The following EIF4G3 variants were observed in gnomAD, a reference collection of about 807,000 sequenced individuals.
The protein encoded by EIF4G3 is eIF-4-gamma 3.
Under a neutral mutation model 186.4 loss-of-function variants are expected in EIF4G3, and 34 were observed. That is an observed-to-expected ratio of 0.18 (90% confidence interval 0.14 to 0.24). The LOEUF (loss-of-function observed/expected upper bound fraction) is 0.24. EIF4G3 is among the 10% of genes least tolerant of loss of function. The pLI, the probability that EIF4G3 is intolerant of heterozygous loss-of-function variation, is 1.00. For missense variants in EIF4G3, 1,536 were observed against 1,948.5 expected, an observed-to-expected ratio of 0.79 and a Z score of 3.99; for synonymous variants, 673 against 679.5, an observed-to-expected ratio of 0.99 and a Z score of 0.15.
intron 3 of EIF4G3, among the ~76,000 whole-genome samples, chr1:21,053,369 T>TG (rs1402859335): frequency 6.9e-6 from 1 of 144,750 alleles, no homozygotes; most frequent in Non-Finnish European, 1.5e-5. Flanking sequence ...GGGAGGGAGG[T>TG]GGGGGTCAGC....
intron 30 of EIF4G3, among the ~76,000 whole-genome samples, chr1:20,840,335 T>A (rs1422359809): frequency 6.6e-6 from 1 of 152,196 alleles, no homozygotes; most frequent in Non-Finnish European, 1.5e-5. Context: ...ACAAGAATCA[T>A]AATGAAACCA....
At chr1:20,868,555 C>G (rs1466988732) in intron 20 of EIF4G3, among the ~76,000 whole-genome samples, 1 of 152,046 alleles carries the variant, frequency 6.6e-6, no homozygotes, top group Non-Finnish European at 1.5e-5. Context: ...GGGCTTCAAA[C>G]TATGATTTTT....
intron 4 of EIF4G3, among the ~76,000 whole-genome samples, chr1:21,042,892 C>T (rs892657075): frequency 2.6e-5 from 4 of 152,208 alleles, no homozygotes; most frequent in African/African-American, 7.2e-5. Context: ...CTAAAATTTA[C>T]TGACACATGC....
At chr1:21,033,508 G>C (rs945199656) in intron 4 of EIF4G3, among the ~76,000 whole-genome samples, 3 of 151,942 alleles carry the variant, frequency 2.0e-5, no homozygotes, top group Non-Finnish European at 4.4e-5. Context: ...AGACAGGCAA[G>C]GAACATTTAT....
At chr1:20,967,600 G>A (rs186992399) in intron 12 of EIF4G3, among the ~76,000 whole-genome samples, 2 of 152,266 alleles carry the variant, frequency 1.3e-5, no homozygotes, top group African/African-American at 4.8e-5. Flanking sequence ...ATGAAAGACT[G>A]AGATAAATGT....
At chr1:21,139,104 A>C (rs1367978469) in intron 2 of EIF4G3, among the ~76,000 whole-genome samples, 1 of 152,192 alleles carries the variant, frequency 6.6e-6, no homozygotes, top group African/African-American at 2.4e-5. Flanking sequence ...CCAAGTTCTA[A>C]GAAGATGTCA....
intron 3 of EIF4G3, among the ~76,000 whole-genome samples, chr1:21,071,217 C>CA (rs1446357983): frequency 2.0e-5 from 3 of 152,100 alleles, no homozygotes; most frequent in African/African-American, 7.2e-5. Flanking sequence ...CCAGCCTGGG[C>CA]AACATAGTGA....
intron 13 of EIF4G3, among the ~76,000 whole-genome samples, chr1:20,944,307 G>A (rs1055019900): frequency 6.6e-6 from 1 of 151,928 alleles, no homozygotes; most frequent in Non-Finnish European, 1.5e-5. Context: ...TTGAGCCTAG[G>A]AATTTGCGAT....
intron 2 of EIF4G3, among the ~76,000 whole-genome samples, chr1:21,110,813 C>T (rs2096712979): frequency 6.6e-6 from 1 of 152,174 alleles, no homozygotes; most frequent in East Asian, 1.9e-4. Context: ...GTCATCCACC[C>T]ACCTCAGCGT....
chr1:20,968,508 G>A lies in EIF4G3; in HGVS notation c.714+966C>T, dbSNP rs576725230. 8.8e-4 allele frequency among the ~76,000 whole-genome samples: 134 copies of A among 152,034 alleles called. 4 individuals carry two copies. In the South Asian group the frequency reaches 0.018, roughly 21 times the overall value. On this transcript the variant is annotated intron_variant, in intron 12 of 36. Coordinates refer to ENST00000602326, the MANE Select transcript of EIF4G3 (RefSeq NM_001391906.1). ...GAAATACAAATCTTGTCAGATTTGCGGAATCTAATCTCTATTATAGTTTAC... is the reference window on the plus strand; with the variant it reads ...GAAATACAAATCTTGTCAGATTTGCAGAATCTAATCTCTATTATAGTTTAC...
chr1:20,981,537 G>A (rs928290647), intron 8 of EIF4G3, among the ~76,000 whole-genome samples: 31 of 129,608 alleles, frequency 2.4e-4, no homozygotes, highest in African/African-American at 8.8e-4. Flanking sequence ...ACATGTATAC[G>A]CACATACTGT....
intron 25 of EIF4G3, 30 bp downstream of exon 25, chr1:20,857,373 C>T (rs540784860): frequency 4.5e-5 from 69 of 1,533,638 alleles, no homozygotes; most frequent in Non-Finnish European, 5.2e-5. Flanking sequence ...CAAAGGAGAG[C>T]GTAAATTGTA....
chr1:21,144,899 G>A (rs917036818), intron 2 of EIF4G3, among the ~76,000 whole-genome samples: 54 of 152,156 alleles, frequency 3.5e-4, no homozygotes, highest in Admixed American at 2.2e-3. Context: ...AAGAGGTAAC[G>A]CACGTACTGA....
intron 19 of EIF4G3, among the ~76,000 whole-genome samples, chr1:20,879,826 T>C (rs891204595): frequency 6.6e-6 from 1 of 152,182 alleles, no homozygotes; most frequent in Non-Finnish European, 1.5e-5. Flanking sequence ...ACTGTGTATG[T>C]AACCTTTGAA....
intron 2 of EIF4G3, among the ~76,000 whole-genome samples, chr1:21,119,563 C>T (rs1018156726): frequency 6.6e-5 from 10 of 152,030 alleles, no homozygotes; most frequent in Non-Finnish European, 1.3e-4. Flanking sequence ...AAAAGATACA[C>T]AAAGAATAAG....
chr1:20,946,044 GGGTTGTCTTTT>G (rs1253838366), intron 13 of EIF4G3, among the ~76,000 whole-genome samples: 1 of 152,118 alleles, frequency 6.6e-6, no homozygotes, highest in African/African-American at 2.4e-5. Context: ...GACCAAGACT[GGGTTGTCTTTT>G]GGTTGTCACA....
intron 2 of EIF4G3, among the ~76,000 whole-genome samples, chr1:21,172,026 T>C (rs2097986315): frequency 6.6e-6 from 1 of 151,818 alleles, no homozygotes; most frequent in Admixed American, 6.6e-5. Context: ...TGTATCTCCT[T>C]CTCATACACT....
chr1:21,092,889 C>T (rs1572425436), intron 2 of EIF4G3, among the ~76,000 whole-genome samples: 1 of 152,168 alleles, frequency 6.6e-6, no homozygotes, highest in African/African-American at 2.4e-5. Context: ...GGAAAACTGG[C>T]TAGCCATATG....
At chr1:21,047,987 C>A (rs984173781) in intron 4 of EIF4G3, among the ~76,000 whole-genome samples, 1 of 152,098 alleles carries the variant, frequency 6.6e-6, no homozygotes, top group Non-Finnish European at 1.5e-5. Context: ...TGGGTTCATT[C>A]ATTAGATTAG....
Sources: allele counts gnomAD v4.1 joint callset (sites outside exome capture counted in the v4.1 genomes callset), GRCh38; gene constraint gnomAD v4.1.1; transcripts MANE v1.5; gene names NCBI Gene and HGNC (gene_info 2026-07-23, HGNC 2026-07-21).